NEK10: variants seen among roughly 807,000 people sequenced by gnomAD.
The protein encoded by NEK10 is serine/threonine-protein kinase Nek10.
NEK10 carries 122 observed loss-of-function variants against 159.8 expected under a neutral mutation model. The observed-to-expected ratio is 0.76, with a 90% CI of 0.66 to 0.89. The LOEUF is 0.89. NEK10 is among the 40% of genes least tolerant of loss of function. NEK10 has a pLI of 0.00. For synonymous variants in NEK10, 466 were observed against 457.1 expected (o/e 1.02, Z -0.25); for missense variants, 1,342 against 1,323.1 (o/e 1.01, Z -0.22).
chr3:27,261,958 A>T (rs1424473187), intron 22 of NEK10, among the ~76,000 whole-genome samples: 1 of 152,046 alleles, frequency 6.6e-6, no homozygotes, highest in African/African-American at 2.4e-5. Context: ...TGTTGAATTG[A>T]TCCCTTTACC....
intron 24 of NEK10, 31 bp downstream of exon 24, chr3:27,202,397 C>G (rs373818088): frequency 6.3e-7 from 1 of 1,581,478 alleles, no homozygotes; most frequent in Admixed American, 1.7e-5. Flanking sequence ...TTTAGCTACA[C>G]GAGACCCTTC....
chr3:27,136,303 G>A lies in NEK10; in HGVS notation c.2971-4313C>T, dbSNP rs541131568. 1.5e-4 allele frequency among the ~76,000 whole-genome samples: 22 copies of A among 151,526 alleles called. No homozygotes were observed. In the South Asian group the frequency reaches 4.0e-3, roughly 27 times the overall value. ...AATTTTTTCTATTTTTAGTAGAGAC[G>A]GTGTTTCACTGTGTTAGCCAGGATG... On this transcript the variant is annotated intron_variant, in intron 31 of 35. Coordinates refer to ENST00000691995, the MANE Select transcript of NEK10 (RefSeq NM_001394966.1).
chr3:27,236,786 G>A (rs2370944), intron 23 of NEK10, among the ~76,000 whole-genome samples: 66,772 of 152,000 alleles, frequency 0.44, 17,294 homozygotes, highest in African/African-American at 0.73. Context: ...CAAAATTAGA[G>A]TTACTGATGA....
intron 30 of NEK10, among the ~76,000 whole-genome samples, chr3:27,152,820 G>A (rs1268666167): frequency 6.6e-6 from 1 of 152,106 alleles, no homozygotes; most frequent in Non-Finnish European, 1.5e-5. Flanking sequence ...GTGGAAAAAG[G>A]CATTTCATGC....
At chr3:27,292,974 T>G (rs1280627122) in intron 16 of NEK10, among the ~76,000 whole-genome samples, 2 of 152,088 alleles carry the variant, frequency 1.3e-5, no homozygotes, top group Admixed American at 6.5e-5. Context: ...TTAACAAAAT[T>G]TTAATAAAAA....
chr3:27,212,840 C>T (rs1951129922), intron 23 of NEK10, among the ~76,000 whole-genome samples: 1 of 152,120 alleles, frequency 6.6e-6, no homozygotes, highest in Non-Finnish European at 1.5e-5. Context: ...GTAACTTTAT[C>T]GTAATTTCCC....
At chr3:27,165,495 A>G (rs1406069035) in intron 29 of NEK10, among the ~76,000 whole-genome samples, 1 of 152,218 alleles carries the variant, frequency 6.6e-6, no homozygotes, top group Non-Finnish European at 1.5e-5. Context: ...GGTTTCACAC[A>G]GAGAACATTC....
chr3:27,240,777 G>A lies in NEK10; in HGVS notation c.2090+15519C>T, dbSNP rs1005377843. 4.8e-4 allele frequency among the ~76,000 whole-genome samples: 72 copies of A among 151,324 alleles called. 2 individuals are homozygous for A. Among genetic ancestry groups the A allele is most frequent in the Admixed American group, 6.6e-5 (1 of 15,152 alleles). ...AGCAATTCTCCTGCCTCAGCCTCCC[G>A]AGTAGATGAGATTAAAGGTGTGCAC... is the stretch of plus-strand genomic sequence containing the variant. On this transcript the variant is annotated intron_variant, in intron 23 of 35. Coordinates refer to ENST00000691995, the MANE Select transcript of NEK10 (RefSeq NM_001394966.1).
chr3:27,131,861 T>G lies in NEK10; in HGVS notation c.3081+19A>C, dbSNP rs748610067. ...GTGGTTTTGTCAGCAAAAGAATTCC[T>G]ATATATAGAATACCATACCTTTTTA... On this transcript the variant is annotated intron_variant, in intron 32 of 35. Coordinates refer to ENST00000691995, the MANE Select transcript of NEK10 (RefSeq NM_001394966.1). The G allele has an allele frequency of 1.1e-5, 15 of 1,364,004 alleles. No homozygotes were observed. The African/African-American group carries it at 1.9e-4, about 17-fold the overall frequency. 84.5% of individuals were successfully genotyped at this position (1,364,004 alleles called of 1,614,324 possible).
chr3:27,300,724 G>T (rs2043747759), intron 13 of NEK10, among the ~76,000 whole-genome samples: 1 of 152,080 alleles, frequency 6.6e-6, no homozygotes, highest in African/African-American at 2.4e-5. Context: ...CTCTTTGAAT[G>T]ATTGCTAGAA....
At chr3:27,193,670 T>C (rs1014092292) in intron 25 of NEK10, among the ~76,000 whole-genome samples, 16 of 144,654 alleles carry the variant, frequency 1.1e-4, no homozygotes, top group Non-Finnish European at 2.0e-4. Flanking sequence ...TCAGCCATCA[T>C]CTCTTATATA....
At chr3:27,367,506 A>AT (rs989597858) in intron 1 of NEK10, 3 of 152,094 alleles carry the variant, frequency 2.0e-5, no homozygotes, top group Non-Finnish European at 2.9e-5. Flanking sequence ...CTTTTATAAC[A>AT]TTTTTTCAAT....
In NEK10 at chr3:27,286,944, T is replaced by C. The variant is rs1222497479; in HGVS notation, c.1789+754A>G. On this transcript the variant is annotated intron_variant, in intron 20 of 35. Transcript: ENST00000691995. ...GGGAGATGGGTAAAATTGTAACAAA[T>C]GGCAAAATACACACACAAAAGGTTT... Among the ~76,000 whole-genome samples the C allele has an allele frequency of 3.9e-5, 6 of 151,934 alleles. No individual in the cohort carries two copies. The South Asian group carries it at 1.2e-3, about 32-fold the overall frequency.
chr3:27,332,316 T>A (rs2149714268), intron 5 of NEK10, among the ~76,000 whole-genome samples: 1 of 152,364 alleles, frequency 6.6e-6, no homozygotes, highest in South Asian at 2.1e-4. Flanking sequence ...GAAAAAATAT[T>A]CATATAACAT....
chr3:27,130,498 A>G (rs1942489525), intron 32 of NEK10, among the ~76,000 whole-genome samples: 1 of 152,196 alleles, frequency 6.6e-6, no homozygotes, highest in Admixed American at 6.5e-5. Context: ...CATAAGTAAT[A>G]AACGAGAAAA....
chr3:27,218,537 G>A (rs1014255771), intron 23 of NEK10, among the ~76,000 whole-genome samples: 7 of 149,966 alleles, frequency 4.7e-5, no homozygotes, highest in Non-Finnish European at 7.4e-5. Flanking sequence ...CCTGGGAAGC[G>A]GAGGTTGCAG....
chr3:27,154,338 CA>C (rs770836912), intron 30 of NEK10, among the ~76,000 whole-genome samples: 6 of 152,032 alleles, frequency 3.9e-5, no homozygotes, highest in Non-Finnish European at 7.4e-5. Context: ...GGTCCAGGAC[CA>C]GAGGGATTCA....
At chr3:27,367,272 T>C (rs1409143978) in intron 1 of NEK10, among the ~76,000 whole-genome samples, 1 of 152,256 alleles carries the variant, frequency 6.6e-6, no homozygotes, top group Non-Finnish European at 1.5e-5. Flanking sequence ...TAATTTGTTA[T>C]GTGTTACACA....
At chr3:27,198,053 A>C (rs556832184) in intron 25 of NEK10, among the ~76,000 whole-genome samples, 2 of 152,188 alleles carry the variant, frequency 1.3e-5, no homozygotes, top group Non-Finnish European at 2.9e-5. Context: ...AAAGAATAAA[A>C]TACCTAGGAA....
Sources: gnomAD v4.1 joint callset for allele counts (sites outside exome capture counted in the v4.1 genomes callset) on GRCh38, gnomAD v4.1.1 for gene constraint, MANE v1.5 for transcripts, NCBI Gene and HGNC (gene_info 2026-07-23, HGNC 2026-07-21) for gene names.